Variants in CLSTN2 observed in about 807,000 individuals in gnomAD.
CLSTN2 encodes calsyntenin-2.
Under a neutral mutation model 101.2 loss-of-function variants are expected in CLSTN2, and 48 were observed. The observed-to-expected ratio is 0.47, with a 90% CI of 0.38 to 0.60. The LOEUF is 0.60. CLSTN2 is among the 20% of genes least tolerant of loss of function. The pLI is 0.00. For missense variants in CLSTN2, 1,160 were observed against 1,238.2 expected (o/e 0.94, Z 0.95); for synonymous variants, 481 against 463.6 (o/e 1.04, Z -0.48).
chr3:140,199,831 G>A (rs575751575), intron 2 of CLSTN2, among the ~76,000 whole-genome samples: 1 of 152,320 alleles, frequency 6.6e-6, no homozygotes, highest in South Asian at 2.1e-4. Flanking sequence ...GCCATCAGGT[G>A]GACTCAGAGT....
At chr3:139,977,334 G>T (rs1382381363) in intron 1 of CLSTN2, among the ~76,000 whole-genome samples, 2 of 152,120 alleles carry the variant, frequency 1.3e-5, no homozygotes, top group Non-Finnish European at 2.9e-5. Flanking sequence ...CCAGAGAAAA[G>T]CACCTCATGG....
intron 2 of CLSTN2, among the ~76,000 whole-genome samples, chr3:140,204,364 A>G (rs79128114): frequency 0.018 from 2,768 of 152,212 alleles, 90 homozygotes; most frequent in African/African-American, 0.064. Context: ...CGAGTTACTC[A>G]CCCTTTCTCT....
chr3:140,101,755 A>G (rs1271129087), intron 1 of CLSTN2, among the ~76,000 whole-genome samples: 4 of 152,202 alleles, frequency 2.6e-5, no homozygotes, highest in Admixed American at 2.6e-4. Flanking sequence ...CTTCCATCTT[A>G]TAACTATGTC....
intron 10 of CLSTN2, among the ~76,000 whole-genome samples, chr3:140,554,082 C>T (rs1935756232): frequency 6.6e-6 from 1 of 152,090 alleles, no homozygotes; most frequent in African/African-American, 2.4e-5. Context: ...CTACTGGCCA[C>T]TGTACTATAA....
intron 2 of CLSTN2, among the ~76,000 whole-genome samples, chr3:140,244,928 G>A (rs1392222610): frequency 1.3e-5 from 2 of 152,206 alleles, no homozygotes; most frequent in East Asian, 1.9e-4. Flanking sequence ...AAACGCCATG[G>A]CATATCATGC....
At chr3:140,420,714 G>T (rs1176664674) in intron 4 of CLSTN2, among the ~76,000 whole-genome samples, 1 of 152,220 alleles carries the variant, frequency 6.6e-6, no homozygotes, top group Non-Finnish European at 1.5e-5. Context: ...AAAAATATGT[G>T]TCAGGACATT....
chr3:140,211,437 ATATATT>A (rs2010854024), intron 2 of CLSTN2, among the ~76,000 whole-genome samples: 1 of 70,322 alleles, frequency 1.4e-5, no homozygotes, highest in Admixed American at 1.8e-4. Context: ...GTATATATAT[ATATATT>A]ATTTATCAAA....
chr3:140,420,721 C>T (rs2088493902), intron 4 of CLSTN2, among the ~76,000 whole-genome samples: 1 of 152,226 alleles, frequency 6.6e-6, no homozygotes, highest in Admixed American at 6.5e-5. Context: ...TGTGTCAGGA[C>T]ATTTTCTGAA....
chr3:140,081,028 C>A (rs1327060209), intron 1 of CLSTN2, among the ~76,000 whole-genome samples: 1 of 152,174 alleles, frequency 6.6e-6, no homozygotes, highest in Non-Finnish European at 1.5e-5. Context: ...CTTAGCTGTG[C>A]CAGTGATGTG....
intron 1 of CLSTN2, among the ~76,000 whole-genome samples, chr3:140,156,053 T>C (rs1040279002): frequency 5.3e-5 from 8 of 152,234 alleles, no homozygotes; most frequent in Non-Finnish European, 8.8e-5. Flanking sequence ...TTGTTACTTA[T>C]TTTTGGTGTA....
intron 10 of CLSTN2, among the ~76,000 whole-genome samples, chr3:140,552,801 T>C (rs1006880257): frequency 2.0e-5 from 3 of 152,164 alleles, no homozygotes; most frequent in African/African-American, 7.2e-5. Context: ...GCTCACAATC[T>C]GCTGGAGGAT....
chr3:140,316,403 A>G (rs1157567928), intron 2 of CLSTN2, among the ~76,000 whole-genome samples: 6 of 152,218 alleles, frequency 3.9e-5, no homozygotes, highest in African/African-American at 7.2e-5. Flanking sequence ...TCAATAGCAT[A>G]TATCAGGGGC....
chr3:139,979,334 C>T (rs765162681), intron 1 of CLSTN2, among the ~76,000 whole-genome samples: 7 of 152,172 alleles, frequency 4.6e-5, no homozygotes, highest in Non-Finnish European at 1.0e-4. Flanking sequence ...GAATGTGAGG[C>T]AGTTCTGTGG....
intron 2 of CLSTN2, among the ~76,000 whole-genome samples, chr3:140,361,815 G>GA (rs1576532550): frequency 1.3e-5 from 2 of 151,656 alleles, no homozygotes; most frequent in African/African-American, 2.4e-5. Context: ...ACATAGCTCA[G>GA]AAAAAAAATA....
intron 9 of CLSTN2, among the ~76,000 whole-genome samples, chr3:140,545,528 C>T (rs927786230): frequency 7.9e-5 from 12 of 152,140 alleles, no homozygotes; most frequent in Admixed American, 5.2e-4. Flanking sequence ...CTTTTCTATG[C>T]GTTGTTCTTC....
chr3:140,542,525 G>C (rs558788542), intron 9 of CLSTN2, among the ~76,000 whole-genome samples: 259 of 152,226 alleles, frequency 1.7e-3, no homozygotes, highest in African/African-American at 6.1e-3. Context: ...AGACACCCTA[G>C]ATATTCAAAG....
intron 1 of CLSTN2, among the ~76,000 whole-genome samples, chr3:140,084,854 C>T (rs149477921): frequency 1.3e-5 from 2 of 152,310 alleles, no homozygotes; most frequent in Non-Finnish European, 2.9e-5. Flanking sequence ...CAGTACCCTC[C>T]TGAGGAAGTC....
intron 2 of CLSTN2, among the ~76,000 whole-genome samples, chr3:140,370,480 G>A (rs1332329006): frequency 6.6e-6 from 1 of 152,070 alleles, no homozygotes; most frequent in East Asian, 1.9e-4. Context: ...TGTAGGAGAG[G>A]GAGGGAGGGA....
chr3:140,104,073 A>G (rs910725655), intron 1 of CLSTN2, among the ~76,000 whole-genome samples: 21 of 152,212 alleles, frequency 1.4e-4, no homozygotes, highest in African/African-American at 4.8e-4. Context: ...TTTAGCTGGA[A>G]TGGAAGGAAT....
Sources: gnomAD v4.1 joint callset for allele counts (sites outside exome capture counted in the v4.1 genomes callset) on GRCh38, gnomAD v4.1.1 for gene constraint, MANE v1.5 for transcripts, NCBI Gene and HGNC (gene_info 2026-07-23, HGNC 2026-07-21) for gene names.